DDAH2: variants seen among roughly 807,000 people sequenced by gnomAD.
The protein encoded by DDAH2 is DDAH family member 2, ADMA-independent, also known as putative hydrolase DDAH2.
A neutral mutation model predicts 24.8 loss-of-function variants in DDAH2; 8 were observed. That is an observed-to-expected ratio of 0.32 (90% CI 0.19 to 0.58). DDAH2 has a LOEUF of 0.58. DDAH2 is among the 20% of genes least tolerant of loss of function. The pLI, the probability that DDAH2 is intolerant of heterozygous loss-of-function variation, is 0.87. For synonymous variants in DDAH2, 151 were observed against 166.1 expected (o/e 0.91, Z 0.70); for missense variants, 281 against 379.0 (o/e 0.74, Z 2.15).
chr6:31,728,686 G>A lies in DDAH2; in HGVS notation c.357C>T (p.Asp119=). The change falls in exon 2 of 6, where the codon GAC becomes GAT. Residue 119 remains aspartate, a synonymous_variant. Coordinates refer to ENST00000375789, the MANE Select transcript of DDAH2 (RefSeq NM_001303007.2). This position sits in a 1 kb window ranked among gnomAD's most constrained non-coding sequence, Gnocchi z 9.8. ...DLGLRIVEIG[D]ENATLDGTDV... ...CAGTGCCATCCAGCGTCGCGTTCTC[G>A]TCTCCTATTTCCACAATTCGGAGCC... The A allele has an allele frequency of 1.2e-6, 2 of 1,612,960 alleles. No homozygotes were observed. Among genetic ancestry groups the A allele is most frequent in the Non-Finnish European group, 1.7e-6 (2 of 1,179,998 alleles).
At chr6:31,730,259 G>C (rs1807786642), upstream of DDAH2, 1 of 163,648 alleles carries the variant, frequency 6.1e-6, no homozygotes, top group African/African-American at 2.4e-5. This position sits in a 1 kb window ranked among gnomAD's most constrained non-coding sequence, Gnocchi z 5.1. Flanking sequence ...CATTGTCTAA[G>C]CGGGACGGGG....
Position 31,728,868 on chromosome 6 carries a change from T to C in DDAH2, c.294A>G (p.Pro98=), listed in dbSNP as rs576302601. ...ACACCCGCGCCACGGCGCTCACCTCTGGCCTACGAGCGGGGCTCCAGGGCC... is the reference window on the plus strand; with the variant it reads ...ACACCCGCGCCACGGCGCTCACCTCCGGCCTACGAGCGGGGCTCCAGGGCC... The part of the protein sequence containing the change: ...ITRPWSPARR[P]EVDGVRKALQ... The change falls in exon 1 of 6, where the codon CCA becomes CCG. Residue 98 remains proline (P), a synonymous_variant. Coordinates refer to ENST00000375789, the MANE Select transcript of DDAH2 (RefSeq NM_001303007.2). This position sits in a 1 kb window ranked among gnomAD's most constrained non-coding sequence, Gnocchi z 9.8. 2 of 1,612,602 alleles carry C rather than the reference T, an allele frequency of 1.2e-6. No homozygotes were observed. The highest frequency in any genetic ancestry group is 2.2e-5 in the South Asian group (2 of 91,050).
Position 31,728,877 on chromosome 6 carries a change from A to G in DDAH2, c.285T>C (p.Ala95=). 6.2e-7 allele frequency: 1 copy of G among 1,612,682 alleles called. No homozygotes were observed. Residue 95 remains alanine (A), a synonymous_variant, in exon 1 of 6, where the codon GCT becomes GCC. Coordinates refer to ENST00000375789, the MANE Select transcript of DDAH2 (RefSeq NM_001303007.2). This position sits in a 1 kb window ranked among gnomAD's most constrained non-coding sequence, Gnocchi z 9.8. ...TALITRPWSP[A]RRPEVDGVRK... ...CCACGGCGCTCACCTCTGGCCTACGAGCGGGGCTCCAGGGCCGCGTGATTA... is the reference window on the plus strand; with the variant it reads ...CCACGGCGCTCACCTCTGGCCTACGGGCGGGGCTCCAGGGCCGCGTGATTA...
In DDAH2 at chr6:31,728,944, G is replaced by C; in HGVS notation, c.218C>G (p.Pro73Arg). ...GATCACGGCCGTGTCGCCAAGCAGC[G>C]GTCCCAGCGGCAATGACTCCTCAGG... is the stretch of plus-strand genomic sequence containing the variant. ...LPPEESLPLG[P>R]LLGDTAVIQG... Residue 73 changes from proline (P) to arginine (R), a missense_variant, in exon 1 of 6, where the codon CCG (proline) becomes CGG (arginine). Transcript: ENST00000375789. The surrounding 1 kb of genome is among the most constrained non-coding windows in gnomAD (Gnocchi z 9.8). The C allele has an allele frequency of 6.2e-7, 1 of 1,613,110 alleles. No individual in the cohort carries two copies. The highest frequency in any genetic ancestry group is 8.5e-7 in the Non-Finnish European group (1 of 1,180,034).
chr6:31,728,333 G>T lies in DDAH2; in HGVS notation c.472-41C>A. 6.2e-7 allele frequency: 1 copy of T among 1,605,944 alleles called. No individual in the cohort carries two copies. The highest frequency in any genetic ancestry group is 1.1e-5 in the South Asian group (1 of 90,656). On this transcript the variant is annotated intron_variant, in intron 3 of 5. Coordinates refer to ENST00000375789, the MANE Select transcript of DDAH2 (RefSeq NM_001303007.2). This position sits in a 1 kb window ranked among gnomAD's most constrained non-coding sequence, Gnocchi z 9.8. ...GGAGGTATTCAGGGGCGCGGGAGGG[G>T]TGATGGGGTATCTTCAAACATAGGC...
In DDAH2 at chr6:31,729,179, C is replaced by A; in HGVS notation, c.-18G>T. 1 of 1,541,678 alleles carries A rather than the reference C, an allele frequency of 6.5e-7. No homozygotes were observed. Among genetic ancestry groups the A allele is most frequent in the Non-Finnish European group, 8.8e-7 (1 of 1,135,192 alleles). On this transcript the variant is annotated 5_prime_UTR_variant, in exon 1 of 6. Transcript: ENST00000375789. The surrounding 1 kb of genome is among the most constrained non-coding windows in gnomAD (Gnocchi z 6.7). ...GTCCCCATCCCATCCACACAGACTC[C>A]CCCTCCAACCGCTCGGATTTCTTAG...
rs1206355731 is a variant in DDAH2 at position 31,727,491 on chromosome 6, G to GA, written c.741+51dup. ...TTCCTTCCTCCCACTAGGAAAGCCT[G>GA]AAACTCTTTTCTCTGATGGTGCTTG... On this transcript the variant is annotated intron_variant, in intron 5 of 5. Transcript: ENST00000375789. This position sits in a 1 kb window ranked among gnomAD's most constrained non-coding sequence, Gnocchi z 6.0. 1.9e-6 allele frequency: 3 copies of GA among 1,612,582 alleles called. No individual in the cohort carries two copies. The highest frequency in any genetic ancestry group is 1.1e-5 in the South Asian group (1 of 91,046).
chr6:31,729,414 T>C (rs1163661899), upstream of DDAH2: 4 of 548,788 alleles, frequency 7.3e-6, no homozygotes, highest in African/African-American at 7.6e-5. This position sits in a 1 kb window ranked among gnomAD's most constrained non-coding sequence, Gnocchi z 6.7. Flanking sequence ...GTCAGATTCT[T>C]TAAGAGGAGC....
At position 31,727,344 on chromosome 6, in the gene DDAH2, T is replaced by G; in HGVS notation, c.751A>C (p.Lys251Gln). The G allele has an allele frequency of 6.2e-7, 1 of 1,612,624 alleles. No individual in the cohort carries two copies. The highest frequency in any genetic ancestry group is 8.5e-7 in the Non-Finnish European group (1 of 1,179,734). The change falls in exon 6 of 6, where the codon AAG becomes CAG. Residue 251 changes from lysine to glutamine, a missense_variant. Physicochemically the swap from Lys to Gln is moderately conservative, Grantham distance 53 (BLOSUM62 1). Transcript: ENST00000375789. The surrounding 1 kb of genome is among the most constrained non-coding windows in gnomAD (Gnocchi z 6.0). ...GGTACCAGGGTGACATCAGAGAGCT[T>G]CTGCAGTGCCTGCACAGGGAAGACA... ...DLPNSQEALQKLSDVTLVPVS... is the reference protein window; with the variant it reads ...DLPNSQEALQQLSDVTLVPVS...
chr6:31,727,287 C>T lies in DDAH2; in HGVS notation c.808G>A (p.Ala270Thr), dbSNP rs760623483. ...ACCAAGCAGAGGGAGCTGAGCCCGGCGCCAGCCTTCTCCAGTTCTGAGCAG... is the reference window on the plus strand; with the variant it reads ...ACCAAGCAGAGGGAGCTGAGCCCGGTGCCAGCCTTCTCCAGTTCTGAGCAG... ...VSCSELEKAG[A>T]GLSSLCLVLS... is the part of the protein sequence containing the mutation. The change falls in exon 6 of 6, where the codon GCC (alanine) becomes ACC (threonine). Residue 270 changes from alanine to threonine, a missense_variant. By Grantham distance (58) the Ala-to-Thr change is moderately conservative (BLOSUM62 0). Transcript: ENST00000375789. The surrounding 1 kb of genome is among the most constrained non-coding windows in gnomAD (Gnocchi z 6.0). 25 of 1,612,956 alleles carry T rather than the reference C, an allele frequency of 1.5e-5. No homozygotes were observed. Among genetic ancestry groups the T allele is most frequent in the Admixed American group, 3.3e-5 (2 of 60,008 alleles).
Position 31,727,553 on chromosome 6 carries a change from T to A in DDAH2, c.731A>T (p.Asn244Ile). The change falls in exon 5 of 6, where the codon AAC becomes ATC. Residue 244 changes from asparagine (N) to isoleucine (I), a missense_variant. Physicochemically the swap from Asn to Ile is moderately radical, Grantham distance 149. Coordinates refer to ENST00000375789, the MANE Select transcript of DDAH2 (RefSeq NM_001303007.2). The surrounding 1 kb of genome is among the most constrained non-coding windows in gnomAD (Gnocchi z 6.0). ...CCTGCCCTCTCTCACCTCCTGGCTG[T>A]TGGGCAGATCCCCACCTCCACGGTG... ...LLHRGGGDLP[N>I]SQEALQKLSD... The A allele has an allele frequency of 1.9e-6, 3 of 1,613,100 alleles. No individual in the cohort carries two copies. The highest frequency in any genetic ancestry group is 2.5e-6 in the Non-Finnish European group (3 of 1,180,026).
chr6:31,727,423 C>T lies in DDAH2; in HGVS notation c.742-70G>A. On this transcript the variant is annotated intron_variant, in intron 5 of 5. Transcript: ENST00000375789. This position sits in a 1 kb window ranked among gnomAD's most constrained non-coding sequence, Gnocchi z 6.0. ...AGGCTGAGCCAGGCCACTCTTCCAG[C>T]CAGCTCAGAGTGGCCCCACCCAGGC... The T allele has an allele frequency of 1.9e-6, 3 of 1,591,180 alleles. No homozygotes were observed. The highest frequency in any genetic ancestry group is 1.1e-5 in the South Asian group (1 of 89,692).
At position 31,727,178 on chromosome 6, in the gene DDAH2, T is replaced by C; in HGVS notation, c.*59A>G. 1 of 1,278,582 alleles carries C rather than the reference T, an allele frequency of 7.8e-7. No individual in the cohort carries two copies. Among genetic ancestry groups the C allele is most frequent in the Non-Finnish European group, 1.1e-6 (1 of 883,570 alleles). The allele number at this position is 1,278,582 out of a possible 1,614,324, so 79.2% of individuals were successfully genotyped here. On this transcript the variant is annotated 3_prime_UTR_variant, in exon 6 of 6. Coordinates refer to ENST00000375789, the MANE Select transcript of DDAH2 (RefSeq NM_001303007.2). This position sits in a 1 kb window ranked among gnomAD's most constrained non-coding sequence, Gnocchi z 6.0. ...TCAGCATTCTCTATCTAACCCTCCT[T>C]CCCCTTCTACTTCCTATACTATCCT... is the stretch of plus-strand genomic sequence containing the variant.
Position 31,728,327 on chromosome 6 carries a change from G to A in DDAH2, c.472-35C>T, listed in dbSNP as rs1807553414. 1 of 1,605,306 alleles carries A rather than the reference G, an allele frequency of 6.2e-7. No individual in the cohort carries two copies. The highest frequency in any genetic ancestry group is 8.5e-7 in the Non-Finnish European group (1 of 1,174,746). ...GCGAAGGGAGGTATTCAGGGGCGCG[G>A]GAGGGGTGATGGGGTATCTTCAAAC... is the stretch of plus-strand genomic sequence containing the variant. On this transcript the variant is annotated intron_variant, in intron 3 of 5. Transcript: ENST00000375789. The surrounding 1 kb of genome is among the most constrained non-coding windows in gnomAD (Gnocchi z 9.8).
Position 31,727,041 on chromosome 6 carries a change from A to G in DDAH2, c.*196T>C. On this transcript the variant is annotated 3_prime_UTR_variant, in exon 6 of 6. Coordinates refer to ENST00000375789, the MANE Select transcript of DDAH2 (RefSeq NM_001303007.2). This position sits in a 1 kb window ranked among gnomAD's most constrained non-coding sequence, Gnocchi z 6.0. Reference sequence around the variant, plus strand: ...TAAGACACCAGTCACAGCCCAGTCTAAAAGGTCAATTCTATTTTATTGGTT... The same window carrying G: ...TAAGACACCAGTCACAGCCCAGTCTGAAAGGTCAATTCTATTTTATTGGTT... 1 of 650,062 alleles carries G rather than the reference A, an allele frequency of 1.5e-6. No individual in the cohort carries two copies. The highest frequency in any genetic ancestry group is 1.9e-5 in the South Asian group (1 of 53,534). 40.3% of individuals were successfully genotyped at this position (650,062 alleles called of 1,614,324 possible).
rs1019154897 is a variant in DDAH2 at position 31,728,566 on chromosome 6, T to A, written c.398-42A>T. 6.8e-6 allele frequency: 11 copies of A among 1,611,312 alleles called. No homozygotes were observed. The highest frequency in any genetic ancestry group is 9.3e-6 in the Non-Finnish European group (11 of 1,179,128). Reference sequence around the variant, plus strand: ...GCGGAGGTTTGAGGGCGGGAGTGAGTTAGAAACAAGGCTCCAGACGGCCGA... The same window carrying A: ...GCGGAGGTTTGAGGGCGGGAGTGAGATAGAAACAAGGCTCCAGACGGCCGA... On this transcript the variant is annotated intron_variant, in intron 2 of 5. Transcript: ENST00000375789. This position sits in a 1 kb window ranked among gnomAD's most constrained non-coding sequence, Gnocchi z 9.8.
chr6:31,729,056 G>A lies in DDAH2; in HGVS notation c.106C>T (p.Leu36=), dbSNP rs1807637969. 1.2e-6 allele frequency: 2 copies of A among 1,613,022 alleles called. No homozygotes were observed. The highest frequency in any genetic ancestry group is 1.7e-6 in the Non-Finnish European group (2 of 1,180,012). ...GEGAGAGLPA[L]DLAKAQREHG... ...TCCCTTTGAGCTTTGGCCAGATCCA[G>A]AGCGGGAAGGCCAGCCCCCGCACCT... Residue 36 remains leucine, a synonymous_variant, in exon 1 of 6, where the codon CTG becomes TTG. Coordinates refer to ENST00000375789, the MANE Select transcript of DDAH2 (RefSeq NM_001303007.2). This position sits in a 1 kb window ranked among gnomAD's most constrained non-coding sequence, Gnocchi z 6.7.
In DDAH2 at chr6:31,728,925, G is replaced by T. The variant is rs1468511582; in HGVS notation, c.237C>A (p.Ala79=). 1 of 1,613,116 alleles carries T rather than the reference G, an allele frequency of 6.2e-7. No individual in the cohort carries two copies. Among genetic ancestry groups the T allele is most frequent in the Admixed American group, 1.7e-5 (1 of 60,028 alleles). ...LPLGPLLGDT[A]VIQGDTALIT... ...TTAGGGCCGTGTCCCCTTGGATCAC[G>T]GCCGTGTCGCCAAGCAGCGGTCCCA... Residue 79 remains alanine, a synonymous_variant, in exon 1 of 6, where the codon GCC becomes GCA. Transcript: ENST00000375789. The surrounding 1 kb of genome is among the most constrained non-coding windows in gnomAD (Gnocchi z 9.8).
Position 31,727,337 on chromosome 6 carries a change from G to C in DDAH2, c.758C>G (p.Ser253Cys). The C allele has an allele frequency of 1.2e-6, 2 of 1,612,978 alleles. No individual in the cohort carries two copies. The highest frequency in any genetic ancestry group is 1.3e-5 in the African/African-American group (1 of 75,064). ...GGACACAGGTACCAGGGTGACATCA[G>C]AGAGCTTCTGCAGTGCCTGCACAGG... ...PNSQEALQKL[S>C]DVTLVPVSCS... Residue 253 changes from serine (S) to cysteine (C), a missense_variant, in exon 6 of 6, where the codon TCT becomes TGT. Ser to Cys is a moderately radical substitution (Grantham distance 112). Transcript: ENST00000375789. The surrounding 1 kb of genome is among the most constrained non-coding windows in gnomAD (Gnocchi z 6.0).
Sources: allele counts gnomAD v4.1 joint callset, GRCh38; gene constraint gnomAD v4.1.1; non-coding constraint Gnocchi (gnomAD v3.1); transcripts MANE v1.5; gene names NCBI Gene and HGNC (gene_info 2026-07-23, HGNC 2026-07-21).